VPS13A: variants seen among roughly 807,000 people sequenced by gnomAD.
VPS13A encodes the protein intermembrane lipid transfer protein VPS13A.
VPS13A carries 264 observed loss-of-function variants against 390.9 expected under a neutral mutation model. The ratio of observed to expected loss-of-function variants is 0.68; its 90% CI spans 0.61 to 0.75. VPS13A has a LOEUF of 0.75. Among genes scored for constraint, VPS13A ranks in the 30% least tolerant of loss-of-function variants. The pLI is 0.00. For synonymous variants in VPS13A, 1,231 were observed against 1,227.1 expected, an observed-to-expected ratio of 1.00 and a Z score of -0.07; for missense variants, 3,409 against 3,733.9, an observed-to-expected ratio of 0.91 and a Z score of 2.27.
chr9:77,350,591 G>A (rs1831398534), intron 52 of VPS13A, among the ~76,000 whole-genome samples: 1 of 152,116 alleles, frequency 6.6e-6, no homozygotes, highest in South Asian at 2.1e-4. Flanking sequence ...TATAGGTATT[G>A]TGCCATTGTT....
rs1827975339 is a variant in VPS13A, at chr9:77,295,998, A to C, written c.3812+152A>C. The C allele has an allele frequency of 5.9e-6, 5 of 840,726 alleles. No homozygotes were observed. In the South Asian group the frequency reaches 1.0e-4, roughly 17 times the overall value. 52.1% of individuals were successfully genotyped at this position (840,726 alleles called of 1,614,324 possible). A position where few individuals can be genotyped will look rare whatever the true frequency, so the allele number is the denominator to read the frequency against. On this transcript the variant is annotated intron_variant, in intron 33 of 71. Transcript: ENST00000360280. ...CTCTCTTCCTTAAGTATATTTTGGC[A>C]AAATCAATTATAGTCTTTGCATTTT... is the stretch of plus-strand genomic sequence containing the variant.
At chr9:77,292,591 T>C (rs1264415273) in intron 31 of VPS13A, among the ~76,000 whole-genome samples, 1 of 152,196 alleles carries the variant, frequency 6.6e-6, no homozygotes, top group African/African-American at 2.4e-5. Context: ...AGGTCACTTA[T>C]ACCTCTGGTT....
intron 1 of VPS13A, 162 bp downstream of exon 1, chr9:77,177,966 A>C: frequency 1.6e-6 from 1 of 622,306 alleles, no homozygotes. Context: ...GCCGGGCGGC[A>C]GTTCCCTGGC....
chr9:77,393,944 T>A (rs1834009866), intron 68 of VPS13A, among the ~76,000 whole-genome samples: 1 of 152,102 alleles, frequency 6.6e-6, no homozygotes, highest in African/African-American at 2.4e-5. Flanking sequence ...ATTTTCATAT[T>A]TTTAGTAGAG....
Position 77,420,075 on chromosome 9 carries a change from C to CT in VPS13A, c.*4070dup, listed in dbSNP as rs2131680493. 1 of 152,232 alleles carries CT rather than the reference C, an allele frequency of 6.6e-6. No individual in the cohort carries two copies. The highest frequency in any genetic ancestry group is 1.9e-4 in the East Asian group (1 of 5,184). The allele number at this position is 152,232 out of a possible 1,614,324, so 9.4% of individuals were successfully genotyped here. On this transcript the variant is annotated 3_prime_UTR_variant, in exon 72 of 72. Coordinates refer to ENST00000360280, the MANE Select transcript of VPS13A (RefSeq NM_033305.3). ...TGGTGCTTTTCAGTATAGCGCAACTCTAAAAGGAAACCCATTCACCCTCCT... is the reference window on the plus strand; with the variant it reads ...TGGTGCTTTTCAGTATAGCGCAACTCTTAAAAGGAAACCCATTCACCCTCCT...
At chr9:77,341,932 A>G (rs562169426) in intron 50 of VPS13A, among the ~76,000 whole-genome samples, 8 of 152,078 alleles carry the variant, frequency 5.3e-5, no homozygotes, top group Non-Finnish European at 1.2e-4. Flanking sequence ...TATAAGGGGA[A>G]ACATTAATAA....
chr9:77,297,894 G>T (rs1159465733), intron 33 of VPS13A, among the ~76,000 whole-genome samples: 3 of 152,110 alleles, frequency 2.0e-5, no homozygotes, highest in Non-Finnish European at 4.4e-5. Flanking sequence ...GGATAATTTG[G>T]TAACTATTGC....
In VPS13A at chr9:77,356,752, C is replaced by T. The variant is rs1410168693; in HGVS notation, c.7691C>T (p.Ala2564Val). The stretch of plus-strand genomic sequence containing the variant: ...TGGGAAACAAAGCCCAAGAAGAAGG[C>T]AAGATGGAAGCCAATGAGTGTAAAG... ...VVWETKPKKK[A>V]RWKPMSVKHT... The change falls in exon 55 of 72, where the codon GCA becomes GTA. Residue 2564 changes from alanine (A) to valine (V), a missense_variant. This residue lies in a region of VPS13A where 221 missense variants were observed against 300.7 expected (regional missense o/e 0.73). Coordinates refer to ENST00000360280, the MANE Select transcript of VPS13A (RefSeq NM_033305.3). 1 of 1,613,344 alleles carries T rather than the reference C, an allele frequency of 6.2e-7. No individual in the cohort carries two copies. Among genetic ancestry groups the T allele is most frequent in the South Asian group, 1.1e-5 (1 of 90,996 alleles).
intron 19 of VPS13A, 105 bp from the exon 20 acceptor site, chr9:77,247,154 C>T (rs1286441394): frequency 2.0e-6 from 2 of 981,078 alleles, no homozygotes; most frequent in South Asian, 2.3e-5. Context: ...AAAATTAATA[C>T]TAATTTTACA....
At chr9:77,235,858 G>T (rs137973492) in intron 17 of VPS13A, among the ~76,000 whole-genome samples, 39 of 152,188 alleles carry the variant, frequency 2.6e-4, no homozygotes, top group African/African-American at 9.4e-4. Flanking sequence ...TGATTGTTCA[G>T]CTTATGATTT....
intron 71 of VPS13A, 146 bp downstream of exon 71, chr9:77,407,753 T>C: frequency 8.8e-6 from 6 of 679,524 alleles, no homozygotes; most frequent in East Asian, 2.8e-5. Context: ...TAAAAGTATA[T>C]GTAACCAGAT....
rs139372936 is a variant in VPS13A, at chr9:77,198,956, C to T, written c.101-989C>T. Among the ~76,000 whole-genome samples, 835 of 152,284 alleles carry T rather than the reference C, an allele frequency of 5.5e-3. 4 individuals carry two copies. The highest frequency in any genetic ancestry group is 0.01 in the South Asian group (49 of 4,824). The stretch of plus-strand genomic sequence containing the variant: ...AGGATTACAGGCGTGAACCACCGCT[C>T]CCGGCTGGGATCCTGTTTATTTTAA... On this transcript the variant is annotated intron_variant, in intron 1 of 71. Transcript: ENST00000360280.
Position 77,342,106 on chromosome 9 carries a change from C to T in VPS13A, c.7026+1556C>T, listed in dbSNP as rs866859929. ...CATTGGAGTGACATTTGAACAGTGC[C>T]TTCGAGGAAATGAGAAAGTTAGCAA... On this transcript the variant is annotated intron_variant, in intron 50 of 71. Coordinates refer to ENST00000360280, the MANE Select transcript of VPS13A (RefSeq NM_033305.3). Among the ~76,000 whole-genome samples, 24 of 152,084 alleles carry T rather than the reference C, an allele frequency of 1.6e-4. No homozygotes were observed. The South Asian group carries it at 1.7e-3, about 11-fold the overall frequency.
intron 23 of VPS13A, among the ~76,000 whole-genome samples, chr9:77,263,197 C>G (rs1245523187): frequency 6.6e-6 from 1 of 151,702 alleles, no homozygotes; most frequent in Non-Finnish European, 1.5e-5. Context: ...AGCTCCACCT[C>G]CTGGGTTCAC....
intron 45 of VPS13A, among the ~76,000 whole-genome samples, chr9:77,328,923 C>CT (rs1436409791): frequency 6.6e-6 from 1 of 152,296 alleles, no homozygotes; most frequent in Admixed American, 6.5e-5. Flanking sequence ...CCTCAGGAAA[C>CT]TTACAATCAT....
intron 68 of VPS13A, chr9:77,384,937 AG>A (rs888097981): frequency 1.8e-4 from 223 of 1,262,398 alleles, no homozygotes; most frequent in Admixed American, 2.6e-4. Context: ...TGTATTGCAT[AG>A]TTTGTCTTTA....
In VPS13A at chr9:77,260,181, C is replaced by CT; in HGVS notation, c.2385dup (p.Glu796Ter). Reference sequence around the variant, plus strand: ...GAATTGATTGAAAGCATTCCAAAACCTGAACCAGTAACTGAAGTATCTGCC... The same window carrying CT: ...GAATTGATTGAAAGCATTCCAAAACCTTGAACCAGTAACTGAAGTATCTGCC... On this transcript the variant is annotated frameshift_variant, in exon 23 of 72. Coordinates refer to ENST00000360280, the MANE Select transcript of VPS13A (RefSeq NM_033305.3). LOFTEE classifies it high-confidence loss of function. 1 of 1,613,170 alleles carries CT rather than the reference C, an allele frequency of 6.2e-7. No homozygotes were observed. Among genetic ancestry groups the CT allele is most frequent in the African/African-American group, 1.3e-5 (1 of 74,962 alleles).
Position 77,314,122 on chromosome 9 carries a change from A to G in VPS13A, c.4242+3A>G. The stretch of plus-strand genomic sequence containing the variant: ...TGTATAGTCCAGGTCCTAAACAGGT[A>G]AGTCCAGGAAGAAAAGAAAATGTAT... On this transcript the variant is annotated splice_donor_region_variant and intron_variant, in intron 36 of 71. Transcript: ENST00000360280. The G allele has an allele frequency of 1.2e-6, 2 of 1,612,744 alleles. No homozygotes were observed. Among genetic ancestry groups the G allele is most frequent in the Non-Finnish European group, 1.7e-6 (2 of 1,179,272 alleles).
At chr9:77,230,241 A>G (rs904404534) in intron 17 of VPS13A, among the ~76,000 whole-genome samples, 1 of 151,860 alleles carries the variant, frequency 6.6e-6, no homozygotes, top group Non-Finnish European at 1.5e-5. Context: ...CTTAATGGTG[A>G]AGTCAAATTT....
Sources: allele counts gnomAD v4.1 joint callset (sites outside exome capture counted in the v4.1 genomes callset), GRCh38; gene constraint gnomAD v4.1.1; regional missense constraint gnomAD v4.1.1; transcripts MANE v1.5; gene names NCBI Gene and HGNC (gene_info 2026-07-23, HGNC 2026-07-21).